The following SPECC1L variants were observed in gnomAD, a reference collection of about 807,000 sequenced individuals.
SPECC1L encodes sperm antigen with calponin homology and coiled-coil domains 1 like.
Under a neutral mutation model 116.8 loss-of-function variants are expected in SPECC1L, and 40 were observed. The observed-to-expected ratio is 0.34, with a 90% CI of 0.27 to 0.45. The LOEUF (loss-of-function observed/expected upper bound fraction) is 0.45, where lower values mean the gene tolerates loss of function less well. Ranked by LOEUF, SPECC1L falls within the 20% of genes least tolerant of loss-of-function variation. The pLI, the probability that SPECC1L is intolerant of heterozygous loss-of-function variation, is 1.00. For missense variants in SPECC1L, 1,110 were observed against 1,373.6 expected (o/e 0.81, Z 3.03); for synonymous variants, 504 against 500.6 (o/e 1.01, Z -0.09).
At chr22:24,354,726 A>G (rs538510440) in intron 11 of SPECC1L, among the ~76,000 whole-genome samples, 1 of 145,954 alleles carries the variant, frequency 6.9e-6, no homozygotes, top group South Asian at 2.2e-4. Flanking sequence ...CAACGGTGTG[A>G]TCTCGGCTCG....
At chr22:24,366,394 C>T (rs564269624) in intron 13 of SPECC1L, among the ~76,000 whole-genome samples, 4 of 152,132 alleles carry the variant, frequency 2.6e-5, no homozygotes, top group Admixed American at 6.5e-5. Flanking sequence ...GGGGTTTCAC[C>T]GTGTTAGCCA....
chr22:24,343,311 A>G (rs1208526183), intron 10 of SPECC1L, among the ~76,000 whole-genome samples: 5 of 152,338 alleles, frequency 3.3e-5, no homozygotes, highest in Middle Eastern at 3.4e-3. Context: ...GTATATAAAC[A>G]TACAAACACC....
At chr22:24,352,685 G>A (rs2041450151) in intron 11 of SPECC1L, among the ~76,000 whole-genome samples, 1 of 152,060 alleles carries the variant, frequency 6.6e-6, no homozygotes, top group South Asian at 2.1e-4. Context: ...CTAGCCTTAG[G>A]CCATGAAAGT....
chr22:24,318,413 C>T (rs1190789857), intron 4 of SPECC1L, among the ~76,000 whole-genome samples: 3 of 151,450 alleles, frequency 2.0e-5, no homozygotes, highest in Non-Finnish European at 2.9e-5. Context: ...CGCAGGCACT[C>T]GGCAGGCTGA....
chr22:24,287,990 G>C (rs988695004), intron 2 of SPECC1L, among the ~76,000 whole-genome samples: 1 of 152,086 alleles, frequency 6.6e-6, no homozygotes, highest in African/African-American at 2.4e-5. Flanking sequence ...TTTCATTCCG[G>C]GAGATCAGAG....
Position 24,302,395 on chromosome 22 carries a change from G to A in SPECC1L, c.153+11G>A, listed in dbSNP as rs1283903363. ...GCATCATTGTCAAAGGTATTCATGT[G>A]ATGTTTGAATACATGATGGGTTTTT... On this transcript the variant is annotated intron_variant, in intron 3 of 16. Transcript: ENST00000314328. 6.2e-7 allele frequency: 1 copy of A among 1,613,804 alleles called. No homozygotes were observed. The highest frequency in any genetic ancestry group is 1.1e-5 in the South Asian group (1 of 91,070).
chr22:24,275,327 C>G (rs1286164781), intron 1 of SPECC1L, among the ~76,000 whole-genome samples: 2 of 152,236 alleles, frequency 1.3e-5, no homozygotes, highest in Non-Finnish European at 2.9e-5. Flanking sequence ...GCACTTGACC[C>G]TGACAGCTGT....
intron 4 of SPECC1L, among the ~76,000 whole-genome samples, chr22:24,317,265 A>ACC (rs1206681641): frequency 7.6e-5 from 3 of 39,218 alleles, no homozygotes; most frequent in South Asian, 7.5e-4. Context: ...CGGGGGGCTG[A>ACC]CCCCCCCCAC....
chr22:24,327,277 CAAAAAA>C (rs58725731), intron 6 of SPECC1L, among the ~76,000 whole-genome samples: 436 of 41,936 alleles, frequency 0.01, 1 homozygote, highest in African/African-American at 0.031. Flanking sequence ...GACTCCGTCT[CAAAAAA>C]AAAAAAAAAA....
At chr22:24,337,906 T>C (rs2041093688) in intron 9 of SPECC1L, among the ~76,000 whole-genome samples, 1 of 152,072 alleles carries the variant, frequency 6.6e-6, no homozygotes, top group Admixed American at 6.6e-5. Flanking sequence ...TAAATACAAA[T>C]CAGAAAATAT....
Position 24,414,514 on chromosome 22 carries a change from G to A in SPECC1L, c.3265-20G>A, listed in dbSNP as rs750012807. The A allele has an allele frequency of 2.5e-6, 4 of 1,611,510 alleles. No homozygotes were observed. Among genetic ancestry groups the A allele is most frequent in the Admixed American group, 1.7e-5 (1 of 59,894 alleles). ...GGAGGTGACCTGCAGTTCTAACCAA[G>A]CGTCTTCCTTGTCTGTCAGGACATT... is the stretch of plus-strand genomic sequence containing the variant. On this transcript the variant is annotated intron_variant, in intron 16 of 16. Coordinates refer to ENST00000314328, the MANE Select transcript of SPECC1L (RefSeq NM_015330.6).
chr22:24,341,611 C>T (rs186081345), intron 10 of SPECC1L, among the ~76,000 whole-genome samples: 29 of 152,310 alleles, frequency 1.9e-4, no homozygotes, highest in African/African-American at 7.0e-4. Flanking sequence ...AAATGTTCCC[C>T]AGCGATCCCC....
chr22:24,385,549 A>G (rs910427535), intron 14 of SPECC1L, among the ~76,000 whole-genome samples: 1 of 152,244 alleles, frequency 6.6e-6, no homozygotes, highest in Non-Finnish European at 1.5e-5. Context: ...TGGAAGAGCT[A>G]TACTAATTTC....
At chr22:24,308,135 G>A (rs1376077299) in intron 3 of SPECC1L, among the ~76,000 whole-genome samples, 1 of 152,014 alleles carries the variant, frequency 6.6e-6, no homozygotes, top group Non-Finnish European at 1.5e-5. Flanking sequence ...ATATTTCAGT[G>A]TGTATTTCCA....
intron 14 of SPECC1L, among the ~76,000 whole-genome samples, chr22:24,386,378 G>T (rs2042160801): frequency 6.6e-6 from 1 of 151,840 alleles, no homozygotes; most frequent in Admixed American, 6.6e-5. Context: ...CTTGGCCTGG[G>T]CAACATAGTG....
At chr22:24,308,192 A>T (rs2049540302) in intron 3 of SPECC1L, among the ~76,000 whole-genome samples, 4 of 152,220 alleles carry the variant, frequency 2.6e-5, no homozygotes, top group Admixed American at 2.6e-4. Context: ...TAACATTGAT[A>T]GGATGCTAGT....
At chr22:24,318,221 C>A (rs2050344969) in intron 4 of SPECC1L, among the ~76,000 whole-genome samples, 1 of 152,226 alleles carries the variant, frequency 6.6e-6, no homozygotes, top group South Asian at 2.1e-4. Flanking sequence ...TGCACTCCAG[C>A]CTGGGCACCA....
rs560995603 is a variant in SPECC1L at position 24,333,314 on chromosome 22, C to T, written c.2397-1096C>T. On this transcript the variant is annotated intron_variant, in intron 8 of 16. Coordinates refer to ENST00000314328, the MANE Select transcript of SPECC1L (RefSeq NM_015330.6). ...TCTTGAGGCAAAATACTGTCAGAAG[C>T]CAAATGGCCACCAAAGACGGATTTT... is the stretch of plus-strand genomic sequence containing the variant. 1.1e-4 allele frequency among the ~76,000 whole-genome samples: 16 copies of T among 152,264 alleles called. No homozygotes were observed. In the South Asian group the frequency reaches 1.7e-3, roughly 16 times the overall value.
rs1316637542 is a variant in SPECC1L at position 24,347,131 on chromosome 22, G to A, written c.2698G>A (p.Ala900Thr). The change falls in exon 11 of 17, where the codon GCC becomes ACC. Residue 900 changes from alanine (A) to threonine (T), a missense_variant. By Grantham distance (58) the Ala-to-Thr change is moderately conservative. Coordinates refer to ENST00000314328, the MANE Select transcript of SPECC1L (RefSeq NM_015330.6). ...GPISTSKPLT[A>T]LSDKRPNYGE... is the part of the protein sequence containing the mutation. ...AATCTCAACATCCAAACCCCTGACA[G>A]CCCTGTCAGATAAGAGACCAAACTA... The A allele has an allele frequency of 6.2e-7, 1 of 1,613,962 alleles. No homozygotes were observed.
Sources: allele counts gnomAD v4.1 joint callset (sites outside exome capture counted in the v4.1 genomes callset), GRCh38; gene constraint gnomAD v4.1.1; transcripts MANE v1.5; gene names NCBI Gene and HGNC (gene_info 2026-07-23, HGNC 2026-07-21).